The following CFAP299 variants were observed in gnomAD, a reference collection of about 807,000 sequenced individuals.
CFAP299 encodes cilia and flagella associated protein 299.
In CFAP299, 21 loss-of-function variants were observed where a neutral mutation model predicts 27.0. The ratio of observed to expected loss-of-function variants is 0.78; its 90% CI spans 0.55 to 1.12. CFAP299 has a LOEUF of 1.12. CFAP299 is among the 50% of genes most tolerant of loss of function. The pLI is 0.00. For synonymous variants in CFAP299, 104 were observed against 98.1 expected, an observed-to-expected ratio of 1.06 and a Z score of -0.36; for missense variants, 310 against 276.6, an observed-to-expected ratio of 1.12 and a Z score of -0.86.
chr4:80,689,783 G>A (rs911336108), intron 3 of CFAP299, among the ~76,000 whole-genome samples: 15 of 152,156 alleles, frequency 9.9e-5, no homozygotes, highest in African/African-American at 3.6e-4. Context: ...TCAGTGTGCT[G>A]TATTCAGGAA....
intron 3 of CFAP299, among the ~76,000 whole-genome samples, chr4:80,815,434 TA>T (rs985196632): frequency 4.6e-5 from 7 of 151,882 alleles, no homozygotes; most frequent in African/African-American, 1.5e-4. Context: ...TTTACTGTAA[TA>T]AAAAATTGTA....
intron 3 of CFAP299, among the ~76,000 whole-genome samples, chr4:80,619,660 G>T (rs1301604913): frequency 1.3e-5 from 2 of 152,056 alleles, no homozygotes; most frequent in Non-Finnish European, 2.9e-5. Context: ...ACACAGTGCA[G>T]TCAATGACTA....
intron 1 of CFAP299, among the ~76,000 whole-genome samples, chr4:80,355,773 C>G (rs1343298619): frequency 6.6e-6 from 1 of 152,024 alleles, no homozygotes; most frequent in Non-Finnish European, 1.5e-5. Context: ...AGTTTTTTCT[C>G]CCATTCTATA....
chr4:80,683,792 T>A (rs956964191), intron 3 of CFAP299, among the ~76,000 whole-genome samples: 3 of 152,246 alleles, frequency 2.0e-5, no homozygotes, highest in Non-Finnish European at 4.4e-5. Flanking sequence ...TTATGAAATA[T>A]TTATCAAGCA....
intron 2 of CFAP299, among the ~76,000 whole-genome samples, chr4:80,581,473 T>G (rs1043570732): frequency 2.2e-5 from 3 of 138,660 alleles, no homozygotes; most frequent in Admixed American, 7.1e-5. Flanking sequence ...TATATATATA[T>G]ATATATATAT....
At chr4:80,667,869 C>CT (rs959232362) in intron 3 of CFAP299, among the ~76,000 whole-genome samples, 3 of 151,964 alleles carry the variant, frequency 2.0e-5, no homozygotes, top group Admixed American at 1.3e-4. Context: ...TATGGAAATT[C>CT]TTTTTTTAAT....
intron 2 of CFAP299, among the ~76,000 whole-genome samples, chr4:80,498,503 T>A (rs1206674160): frequency 6.6e-6 from 1 of 151,900 alleles, no homozygotes; most frequent in Non-Finnish European, 1.5e-5. Context: ...ATGCTCAACA[T>A]TAATCATTAC....
chr4:80,536,519 T>C (rs1046149186), intron 2 of CFAP299, among the ~76,000 whole-genome samples: 2 of 152,014 alleles, frequency 1.3e-5, no homozygotes, highest in Non-Finnish European at 2.9e-5. Context: ...AAAACAGATA[T>C]AAAAATCAAT....
At chr4:80,776,042 G>C (rs1026151989) in intron 3 of CFAP299, among the ~76,000 whole-genome samples, 1 of 152,034 alleles carries the variant, frequency 6.6e-6, no homozygotes, top group Admixed American at 6.6e-5. Flanking sequence ...GTAGACTGTT[G>C]CTGTTAGGTT....
chr4:80,857,206 C>G (rs1731966397), intron 3 of CFAP299, among the ~76,000 whole-genome samples: 4 of 152,076 alleles, frequency 2.6e-5, no homozygotes, highest in South Asian at 2.1e-4. Context: ...CTCTCTGTTT[C>G]TCTGTTATTG....
intron 3 of CFAP299, chr4:80,608,443 C>A: frequency 1.9e-6 from 2 of 1,031,754 alleles, no homozygotes; most frequent in Non-Finnish European, 2.9e-6. Context: ...TGGCTTCATC[C>A]TACATATATA....
intron 4 of CFAP299, among the ~76,000 whole-genome samples, chr4:80,880,591 T>C (rs1356246773): frequency 6.6e-6 from 1 of 151,798 alleles, no homozygotes. Context: ...CCAGATGTGG[T>C]GGTGGGTGCC....
intron 3 of CFAP299, among the ~76,000 whole-genome samples, chr4:80,860,511 G>A (rs552153153): frequency 6.6e-6 from 1 of 152,194 alleles, no homozygotes; most frequent in South Asian, 2.1e-4. Flanking sequence ...CATTTTTTCT[G>A]CTCTGTTTTT....
chr4:80,488,878 AC>A (rs986716169), intron 2 of CFAP299, among the ~76,000 whole-genome samples: 1 of 152,188 alleles, frequency 6.6e-6, no homozygotes, highest in Admixed American at 6.5e-5. Flanking sequence ...GGCAAAAAAA[AC>A]GTTTGTGTCT....
At chr4:80,780,311 G>A (rs1726796956) in intron 3 of CFAP299, among the ~76,000 whole-genome samples, 1 of 151,976 alleles carries the variant, frequency 6.6e-6, no homozygotes, top group Admixed American at 6.6e-5. Flanking sequence ...GGAATTTATT[G>A]CTGCTGATGA....
intron 3 of CFAP299, among the ~76,000 whole-genome samples, chr4:80,661,366 C>A (rs1156999351): frequency 6.6e-6 from 1 of 151,714 alleles, no homozygotes; most frequent in Admixed American, 6.6e-5. Flanking sequence ...AGTCAGGAAC[C>A]CTGAACGGAG....
intron 2 of CFAP299, among the ~76,000 whole-genome samples, chr4:80,394,799 C>T (rs530626176): frequency 2.0e-5 from 3 of 152,126 alleles, no homozygotes; most frequent in Admixed American, 2.0e-4. Flanking sequence ...TGTTTTTATG[C>T]TGGTACCATG....
rs1184951626 is a variant in CFAP299, at chr4:80,868,905, CTGTGTGTGTG to C, written c.334-1054_334-1045del. On this transcript the variant is annotated intron_variant, in intron 3 of 5. Transcript: ENST00000358105. Reference sequence around the variant, plus strand: ...ATTCCATGGGTGGGGGCTTCTCTCTCTGTGTGTGTGTGTGTGTGTGTGTGTGTGTGTGTGT... The same window carrying C: ...ATTCCATGGGTGGGGGCTTCTCTCTCTGTGTGTGTGTGTGTGTGTGTGTGT... 1.5e-3 allele frequency among the ~76,000 whole-genome samples: 211 copies of C among 137,682 alleles called. 1 individual carries two copies. The highest frequency in any genetic ancestry group is 9.6e-4 in the African/African-American group (35 of 36,396). 90.3% of individuals were successfully genotyped at this position (137,682 alleles called of 152,430 possible). A position where few individuals can be genotyped will look rare whatever the true frequency, so the allele number is the denominator to read the frequency against.
chr4:80,367,721 T>C (rs1288574251), intron 2 of CFAP299, among the ~76,000 whole-genome samples: 1 of 152,218 alleles, frequency 6.6e-6, no homozygotes, highest in Non-Finnish European at 1.5e-5. Flanking sequence ...CTGGTTATAG[T>C]AGCCATAAGA....
Sources: gnomAD v4.1 joint callset for allele counts (sites outside exome capture counted in the v4.1 genomes callset) on GRCh38, gnomAD v4.1.1 for gene constraint, MANE v1.5 for transcripts, NCBI Gene and HGNC (gene_info 2026-07-23, HGNC 2026-07-21) for gene names.